DPP6: variants seen among roughly 807,000 people sequenced by gnomAD.
DPP6 encodes the protein dipeptidyl peptidase like 6, also known as A-type potassium channel modulatory protein DPP6.
DPP6 carries 69 observed loss-of-function variants against 122.6 expected under a neutral mutation model. The observed-to-expected ratio is 0.56, with a 90% CI of 0.46 to 0.69. The LOEUF (loss-of-function observed/expected upper bound fraction) is 0.69. Ranked by LOEUF, DPP6 falls within the 30% of genes least tolerant of loss-of-function variation. The probability of loss-of-function intolerance (pLI) is 0.00; values close to 1 mark genes in which losing one functional copy is unlikely to be tolerated. For missense variants in DPP6, 928 were observed against 1,116.9 expected (o/e 0.83, Z 2.41); for synonymous variants, 418 against 433.1 (o/e 0.97, Z 0.43).
At position 154,560,200 on chromosome 7, in the gene DPP6, A is replaced by C. The variant is rs541692443; in HGVS notation, c.553-6642A>C. On this transcript the variant is annotated intron_variant, in intron 4 of 25. Coordinates refer to ENST00000377770, the MANE Select transcript of DPP6 (RefSeq NM_130797.4). ...TTTGGGTGGAAATTTTTGTAGAATTAGTTAACTAGTTCTTTAAAATATCCT... is the reference window on the plus strand; with the variant it reads ...TTTGGGTGGAAATTTTTGTAGAATTCGTTAACTAGTTCTTTAAAATATCCT... 5.3e-5 allele frequency among the ~76,000 whole-genome samples: 8 copies of C among 152,194 alleles called. No individual in the cohort carries two copies. The South Asian group carries it at 1.7e-3, about 32-fold the overall frequency.
upstream of DPP6, among the ~76,000 whole-genome samples, chr7:154,050,631 T>G (rs1243510829): frequency 6.6e-6 from 1 of 150,928 alleles, no homozygotes. Flanking sequence ...CTAATTGTGG[T>G]GACTTTTAAA....
chr7:153,768,854 A>G, the DPP6 span, among the ~76,000 whole-genome samples: 11 of 152,246 alleles, frequency 7.2e-5, no homozygotes, highest in African/African-American at 1.9e-4. Flanking sequence ...AATTTTAACA[A>G]CAACAAATTC....
At chr7:154,892,100 G>T (rs1189923013) in intron 25 of DPP6, among the ~76,000 whole-genome samples, 1 of 152,190 alleles carries the variant, frequency 6.6e-6, no homozygotes, top group Non-Finnish European at 1.5e-5. Flanking sequence ...TTCACGAATG[G>T]GTGGTGCATG....
At chr7:154,820,878 C>A (rs1280132094) in intron 16 of DPP6, among the ~76,000 whole-genome samples, 2 of 152,132 alleles carry the variant, frequency 1.3e-5, no homozygotes, top group African/African-American at 4.8e-5. Flanking sequence ...ACGATACATA[C>A]CTCCTAATAA....
chr7:154,188,087 G>A (rs558307362), intron 1 of DPP6, among the ~76,000 whole-genome samples: 8 of 152,106 alleles, frequency 5.3e-5, no homozygotes, highest in African/African-American at 1.2e-4. Flanking sequence ...GGTCACGGTG[G>A]TTCTCTTGAC....
chr7:153,852,988 C>G, the DPP6 span, among the ~76,000 whole-genome samples: 1 of 152,172 alleles, frequency 6.6e-6, no homozygotes, highest in Non-Finnish European at 1.5e-5. Flanking sequence ...GGGCACCCCT[C>G]TATCTCCTGG....
At chr7:154,492,209 T>G (rs763255808) in intron 3 of DPP6, among the ~76,000 whole-genome samples, 3 of 152,198 alleles carry the variant, frequency 2.0e-5, no homozygotes, top group Non-Finnish European at 4.4e-5. Context: ...TTTATTTGAT[T>G]ATGCTGGGGG....
At chr7:154,417,365 G>T (rs1006568572) in intron 1 of DPP6, among the ~76,000 whole-genome samples, 2 of 152,172 alleles carry the variant, frequency 1.3e-5, no homozygotes, top group Admixed American at 6.5e-5. Flanking sequence ...GCTAGTCCAC[G>T]TACCAAGCAC....
intron 1 of DPP6, among the ~76,000 whole-genome samples, chr7:153,911,428 ACT>A (rs1418136338): frequency 3.3e-5 from 5 of 152,114 alleles, no homozygotes; most frequent in Non-Finnish European, 7.3e-5. Context: ...TGTAGGCTTC[ACT>A]CTCAGGGATC....
intron 3 of DPP6, among the ~76,000 whole-genome samples, chr7:154,500,132 G>A (rs549521257): frequency 2.0e-5 from 3 of 152,164 alleles, no homozygotes; most frequent in Non-Finnish European, 4.4e-5. Flanking sequence ...TAGACTTTCA[G>A]AAGGAAAGCA....
At chr7:154,423,225 A>C (rs767134380) in intron 1 of DPP6, among the ~76,000 whole-genome samples, 1 of 152,228 alleles carries the variant, frequency 6.6e-6, no homozygotes, top group Non-Finnish European at 1.5e-5. Context: ...CTGGGCATTT[A>C]TAAAAGGAGA....
intron 1 of DPP6, among the ~76,000 whole-genome samples, chr7:153,989,939 C>A: frequency 1.5e-5 from 2 of 131,088 alleles, no homozygotes; most frequent in Non-Finnish European, 3.3e-5. Flanking sequence ...GCCAGCCCCG[C>A]CCCCAGCAAG....
At chr7:154,781,534 G>A (rs761131772) in intron 10 of DPP6, among the ~76,000 whole-genome samples, 2 of 152,158 alleles carry the variant, frequency 1.3e-5, no homozygotes, top group Non-Finnish European at 2.9e-5. Flanking sequence ...ACTTTTCTGT[G>A]TTGTAGAAGG....
At chr7:154,588,836 C>T (rs1309161400) in intron 5 of DPP6, among the ~76,000 whole-genome samples, 2 of 152,190 alleles carry the variant, frequency 1.3e-5, no homozygotes, top group African/African-American at 4.8e-5. Context: ...TATTAATGAG[C>T]AGGAGGCTTA....
intron 7 of DPP6, among the ~76,000 whole-genome samples, chr7:154,700,096 T>C (rs1230875287): frequency 6.6e-6 from 1 of 152,236 alleles, no homozygotes; most frequent in Non-Finnish European, 1.5e-5. Flanking sequence ...TCTTCAGTGT[T>C]TGGTTAATAA....
chr7:154,744,230 C>A (rs1054792947), intron 8 of DPP6, among the ~76,000 whole-genome samples: 2 of 152,148 alleles, frequency 1.3e-5, no homozygotes, highest in Non-Finnish European at 2.9e-5. Flanking sequence ...TCTCACCACA[C>A]CCGCCCCCCA....
chr7:154,252,188 T>A (rs1355346362), intron 1 of DPP6, among the ~76,000 whole-genome samples: 1 of 151,564 alleles, frequency 6.6e-6, no homozygotes, highest in East Asian at 1.9e-4. Flanking sequence ...TCAGCTAAAT[T>A]GAAAATCATG....
exon 1 of DPP6, chr7:153,887,554 GA>G: frequency 9.3e-7 from 1 of 1,070,446 alleles, no homozygotes; most frequent in Non-Finnish European, 1.4e-6. Context: ...AGACCTGGAA[GA>G]TTTTTTTTTC....
At chr7:154,610,549 C>A (rs1833843492) in intron 5 of DPP6, among the ~76,000 whole-genome samples, 1 of 152,160 alleles carries the variant, frequency 6.6e-6, no homozygotes, top group African/African-American at 2.4e-5. Context: ...AGCTAAAAGT[C>A]TCTTTGAGTT....
Sources: allele counts gnomAD v4.1 joint callset (sites outside exome capture counted in the v4.1 genomes callset), GRCh38; gene constraint gnomAD v4.1.1; transcripts MANE v1.5; gene names NCBI Gene and HGNC (gene_info 2026-07-23, HGNC 2026-07-21).